The following DOCK9 variants were observed in gnomAD, a reference collection of about 807,000 sequenced individuals.
DOCK9 encodes dedicator of cytokinesis protein 9.
DOCK9 carries 89 observed loss-of-function variants against 263.3 expected under a neutral mutation model. The observed-to-expected ratio is 0.34, with a 90% confidence interval of 0.28 to 0.40. The LOEUF (loss-of-function observed/expected upper bound fraction) is 0.40. Ranked by LOEUF, DOCK9 falls within the 10% of genes least tolerant of loss-of-function variation. The probability of loss-of-function intolerance (pLI) is 1.00; values close to 1 mark genes in which losing one functional copy is unlikely to be tolerated. For missense variants in DOCK9, 2,140 were observed against 2,603.4 expected (o/e 0.82, Z 3.87); for synonymous variants, 976 against 973.1 (o/e 1.00, Z -0.06).
intron 1 of DOCK9, among the ~76,000 whole-genome samples, chr13:99,066,422 CTGG>C: frequency 6.6e-6 from 1 of 152,294 alleles, no homozygotes; most frequent in South Asian, 2.1e-4. Context: ...TCCACAAAAA[CTGG>C]TTTCATTTTC....
chr13:98,814,969 A>ACATAACATAACG (rs2091702929), intron 45 of DOCK9, among the ~76,000 whole-genome samples: 2 of 81,638 alleles, frequency 2.4e-5, no homozygotes, highest in African/African-American at 6.3e-5. Context: ...ATAAAATAAA[A>ACATAACATAACG]TAAAATAAAA....
At chr13:98,858,685 A>G (rs893878515) in intron 33 of DOCK9, 1 of 152,248 alleles carries the variant, frequency 6.6e-6, no homozygotes. Context: ...GTGAATTCCT[A>G]TGAAAAGTGG....
intron 1 of DOCK9, among the ~76,000 whole-genome samples, chr13:99,023,443 A>G (rs1438505786): frequency 6.6e-6 from 1 of 152,264 alleles, no homozygotes; most frequent in East Asian, 1.9e-4. Flanking sequence ...TCATAGAAAC[A>G]GAAAGTAGCA....
chr13:99,058,116 G>A (rs1268797615), intron 1 of DOCK9, among the ~76,000 whole-genome samples: 1 of 151,530 alleles, frequency 6.6e-6, no homozygotes, highest in Non-Finnish European at 1.5e-5. Context: ...AAAACACCCA[G>A]GCCTGGGTGG....
At chr13:99,013,579 C>G (rs1353460780) in intron 1 of DOCK9, among the ~76,000 whole-genome samples, 1 of 152,076 alleles carries the variant, frequency 6.6e-6, no homozygotes, top group Non-Finnish European at 1.5e-5. Context: ...TAGGGTTAAG[C>G]AGGGGGTCAC....
chr13:98,943,531 G>A (rs568717840), intron 2 of DOCK9, among the ~76,000 whole-genome samples: 1 of 150,784 alleles, frequency 6.6e-6, no homozygotes, highest in Non-Finnish European at 1.5e-5. Context: ...TCGTTTGTGT[G>A]TGTTCGTTTT....
intron 2 of DOCK9, among the ~76,000 whole-genome samples, chr13:98,934,130 C>T (rs896874157): frequency 6.6e-6 from 1 of 151,968 alleles, no homozygotes; most frequent in Non-Finnish European, 1.5e-5. Flanking sequence ...GTCTTGAACT[C>T]CTGGGCTCAA....
chr13:98,967,095 C>T (rs375247686), intron 1 of DOCK9, among the ~76,000 whole-genome samples: 5 of 152,338 alleles, frequency 3.3e-5, no homozygotes, highest in Admixed American at 2.0e-4. Context: ...CATATTAAAA[C>T]GTATTCTCAA....
At chr13:99,044,078 G>T (rs1282139440) in intron 1 of DOCK9, among the ~76,000 whole-genome samples, 2 of 152,196 alleles carry the variant, frequency 1.3e-5, no homozygotes, top group African/African-American at 2.4e-5. Flanking sequence ...CTGCTCTAAA[G>T]TTATCTGCTA....
At chr13:98,903,609 A>G (rs2139523172) in intron 10 of DOCK9, among the ~76,000 whole-genome samples, 1 of 91,854 alleles carries the variant, frequency 1.1e-5, no homozygotes, top group East Asian at 2.2e-4. Context: ...CAAAAAAAAA[A>G]AAAAAAAAAA....
chr13:99,069,391 A>G (rs550061017), intron 1 of DOCK9, among the ~76,000 whole-genome samples: 2 of 152,208 alleles, frequency 1.3e-5, no homozygotes, highest in Non-Finnish European at 2.9e-5. Context: ...TTCACCAACA[A>G]ACTAGCTTGG....
intron 43 of DOCK9, among the ~76,000 whole-genome samples, chr13:98,827,097 A>C (rs2140836285): frequency 6.6e-6 from 1 of 152,366 alleles, no homozygotes; most frequent in South Asian, 2.1e-4. Flanking sequence ...AGTTGAGATA[A>C]ATGGCAGTAA....
intron 38 of DOCK9, among the ~76,000 whole-genome samples, chr13:98,841,616 A>T (rs867767102): frequency 0.029 from 3,979 of 137,450 alleles, 110 homozygotes; most frequent in Middle Eastern, 0.07. Flanking sequence ...TATGAACAAA[A>T]TTTTTTTTTT....
chr13:98,940,403 T>C (rs2055618866), intron 2 of DOCK9, among the ~76,000 whole-genome samples: 1 of 152,136 alleles, frequency 6.6e-6, no homozygotes, highest in Admixed American at 6.6e-5. Flanking sequence ...CTGAGTTTTT[T>C]TGTTGTTTTT....
rs759127989 is a variant in DOCK9, at chr13:98,855,994, A to G, written c.3735T>C (p.Ser1245=). The G allele has an allele frequency of 4.3e-6, 7 of 1,613,936 alleles. No individual in the cohort carries two copies. Among genetic ancestry groups the G allele is most frequent in the Non-Finnish European group, 5.9e-6 (7 of 1,179,864 alleles). The change falls in exon 34 of 53, where the codon AGT becomes AGC. Residue 1245 remains serine (S), a synonymous_variant. Coordinates refer to ENST00000682017, the MANE Select transcript of DOCK9 (RefSeq NM_001366683.2). ...PYTTSTPNIN[S]VRNADSRGSL... is the part of the protein sequence containing the mutation. ...ATCCTCTCGAATCAGCATTTCTCAC[A>G]CTGTTGATGTTTGGAGTTGAGGTTG... is the stretch of plus-strand genomic sequence containing the variant.
intron 1 of DOCK9, among the ~76,000 whole-genome samples, chr13:99,010,684 G>C (rs1394754141): frequency 6.6e-6 from 1 of 152,184 alleles, no homozygotes; most frequent in Non-Finnish European, 1.5e-5. Flanking sequence ...GTCTATACTT[G>C]AAATTCAGCC....
At chr13:98,831,202 C>A (rs2092749174) in intron 41 of DOCK9, 146 bp downstream of exon 41, 2 of 834,320 alleles carry the variant, frequency 2.4e-6, no homozygotes, top group East Asian at 2.7e-5. Context: ...TGAAATAAAC[C>A]AAGCCAGCAA....
intron 46 of DOCK9, 118 bp downstream of exon 46, chr13:98,810,051 A>G: frequency 7.2e-7 from 1 of 1,389,806 alleles, no homozygotes; most frequent in Admixed American, 1.8e-5. Context: ...GGAGGGTCAG[A>G]GACCCCCACT....
At chr13:99,039,236 A>G (rs1387180087) in intron 1 of DOCK9, among the ~76,000 whole-genome samples, 1 of 152,112 alleles carries the variant, frequency 6.6e-6, no homozygotes, top group East Asian at 1.9e-4. Flanking sequence ...AATTATGTTC[A>G]CAAACTCTAC....
Sources: gnomAD v4.1 joint callset for allele counts (sites outside exome capture counted in the v4.1 genomes callset) on GRCh38, gnomAD v4.1.1 for gene constraint, MANE v1.5 for transcripts, NCBI Gene and HGNC (gene_info 2026-07-23, HGNC 2026-07-21) for gene names.